The following CCDC97 variants were observed in gnomAD, a reference collection of about 807,000 sequenced individuals.
The protein encoded by CCDC97 is coiled-coil domain-containing protein 97.
CCDC97 carries 27 observed loss-of-function variants against 33.9 expected under a neutral mutation model. The observed-to-expected ratio is 0.80, with a 90% CI of 0.59 to 1.10. The LOEUF (loss-of-function observed/expected upper bound fraction) is 1.10. Ranked by LOEUF, CCDC97 falls within the 50% of genes least tolerant of loss-of-function variation. The pLI is 0.00. For synonymous variants in CCDC97, 217 were observed against 194.0 expected (o/e 1.12, Z -0.99); for missense variants, 422 against 476.6 (o/e 0.89, Z 1.07).
Position 41,310,970 on chromosome 19 carries a change from G to A in CCDC97, c.46+614G>A, listed in dbSNP as rs1034184184. On this transcript the variant is annotated intron_variant, in intron 1 of 4. Transcript: ENST00000269967. ...GCGTGGCTCCAACACCACTGGCCAA[G>A]AATTGGTAATTGTGGAAGCCAGATG... 3.4e-4 allele frequency: 224 copies of A among 657,198 alleles called. 1 individual carries two copies. Among genetic ancestry groups the A allele is most frequent in the Non-Finnish European group, 4.0e-4 (214 of 530,604 alleles). The allele number at this position is 657,198 out of a possible 1,614,324, so 40.7% of individuals were successfully genotyped here.
intron 2 of CCDC97, among the ~76,000 whole-genome samples, chr19:41,319,231 G>A (rs186411470): frequency 5.1e-4 from 77 of 152,354 alleles, no homozygotes; most frequent in Non-Finnish European, 9.3e-4. Context: ...GAAGATAGAG[G>A]CCGGGCCACA....
At position 41,319,845 on chromosome 19, in the gene CCDC97, C is replaced by A; in HGVS notation, c.774C>A (p.Asp258Glu). 1 of 1,490,540 alleles carries A rather than the reference C, an allele frequency of 6.7e-7. No homozygotes were observed. The highest frequency in any genetic ancestry group is 9.2e-7 in the Non-Finnish European group (1 of 1,084,512). 92.3% of individuals were successfully genotyped at this position (1,490,540 alleles called of 1,614,324 possible). A position where few individuals can be genotyped will look rare whatever the true frequency, so the allele number is the denominator to read the frequency against. Residue 258 changes from aspartate (D) to glutamate (E), a missense_variant, in exon 3 of 5, where the codon GAC becomes GAA. Physicochemically the swap from Asp to Glu is conservative, Grantham distance 45. Transcript: ENST00000269967. ...AAGAGGAAGAGGAGGAGGACAGTGA[C>A]GAGGAAGGTGAGGGCCAGTAGCAGG... ...LEEEEEEEDS[D>E]EEDQRSGKDS... is the part of the protein sequence containing the mutation.
chr19:41,313,169 A>G (rs770258447), intron 1 of CCDC97, among the ~76,000 whole-genome samples: 11 of 151,908 alleles, frequency 7.2e-5, no homozygotes, highest in African/African-American at 2.4e-4. Context: ...TCCTCCCCGC[A>G]TCTGTGCAGT....
At position 41,322,870 on chromosome 19, in the gene CCDC97, A is replaced by G; in HGVS notation, c.*155A>G. On this transcript the variant is annotated 3_prime_UTR_variant, in exon 5 of 5. Coordinates refer to ENST00000269967, the MANE Select transcript of CCDC97 (RefSeq NM_052848.3). ...CTCACTGGGTCTAGTCTCATCTCAG[A>G]CAACCCCCACCCCCACTGTTTCTGG... 1 of 733,000 alleles carries G rather than the reference A, an allele frequency of 1.4e-6. No individual in the cohort carries two copies. The highest frequency in any genetic ancestry group is 2.1e-6 in the Non-Finnish European group (1 of 480,518). 45.4% of individuals were successfully genotyped at this position (733,000 alleles called of 1,614,324 possible).
chr19:41,318,122 A>C (rs1180036131), intron 2 of CCDC97, among the ~76,000 whole-genome samples: 2 of 151,942 alleles, frequency 1.3e-5, no homozygotes, highest in Non-Finnish European at 1.5e-5. Context: ...GGTGGGTGAT[A>C]ATCCAAGTTG....
intron 1 of CCDC97, among the ~76,000 whole-genome samples, chr19:41,313,911 G>T (rs546416778): frequency 3.9e-5 from 6 of 152,256 alleles, no homozygotes; most frequent in African/African-American, 1.2e-4. Flanking sequence ...TGTTGGCCAG[G>T]CTGGTCTTGA....
intron 1 of CCDC97, 39 bp from the exon 2 acceptor site, chr19:41,316,345 A>G: frequency 6.5e-7 from 1 of 1,528,500 alleles, no homozygotes; most frequent in Non-Finnish European, 9.0e-7. Context: ...CCCTTCCCAC[A>G]CTCCCATCTC....
In CCDC97 at chr19:41,323,040, C is replaced by T. The variant is rs1418654845; in HGVS notation, c.*325C>T. ...CCAGTGCTCTGGCTGGCTGTCTCTC[C>T]CTTTCTCCCCCTCTCTCTCTGCCTT... On this transcript the variant is annotated 3_prime_UTR_variant, in exon 5 of 5. Transcript: ENST00000269967. 1.0e-5 allele frequency: 2 copies of T among 196,960 alleles called. No individual in the cohort carries two copies. Among genetic ancestry groups the T allele is most frequent in the Non-Finnish European group, 2.1e-5 (2 of 94,010 alleles). 12.2% of individuals were successfully genotyped at this position (196,960 alleles called of 1,614,324 possible). A position where few individuals can be genotyped will look rare whatever the true frequency, so the allele number is the denominator to read the frequency against.
intron 3 of CCDC97, 149 bp from the exon 4 acceptor site, chr19:41,320,192 C>G: frequency 1.0e-6 from 1 of 972,974 alleles, no homozygotes; most frequent in South Asian, 1.5e-5. Context: ...CCCTGGAGGG[C>G]AGGGACCAGG....
intron 1 of CCDC97, chr19:41,310,895 T>C (rs1372026642): frequency 2.0e-6 from 2 of 987,306 alleles, no homozygotes; most frequent in African/African-American, 3.5e-5. Flanking sequence ...ATTTCTGTGC[T>C]TTCCCACAAC....
At chr19:41,313,652 C>T (rs559973158) in intron 1 of CCDC97, among the ~76,000 whole-genome samples, 2 of 152,194 alleles carry the variant, frequency 1.3e-5, no homozygotes, top group Admixed American at 6.5e-5. Flanking sequence ...TCCCTCCACT[C>T]TTGGGAAACA....
chr19:41,319,187 A>G (rs1283039879), intron 2 of CCDC97, among the ~76,000 whole-genome samples: 1 of 152,234 alleles, frequency 6.6e-6, no homozygotes, highest in Non-Finnish European at 1.5e-5. Context: ...CCATGCACAC[A>G]CATGCTTGGA....
Position 41,319,780 on chromosome 19 carries a change from C to T in CCDC97, c.709C>T (p.Leu237=). 6.2e-7 allele frequency: 1 copy of T among 1,612,734 alleles called. No individual in the cohort carries two copies. The highest frequency in any genetic ancestry group is 8.5e-7 in the Non-Finnish European group (1 of 1,179,540). Residue 237 remains leucine (L), a synonymous_variant, in exon 3 of 5, where the codon CTG becomes TTG. Coordinates refer to ENST00000269967, the MANE Select transcript of CCDC97 (RefSeq NM_052848.3). ...SYEERELQQR[L]LQQQEEEEAC... Reference sequence around the variant, plus strand: ...CGAGGAGCGGGAGCTACAGCAGCGTCTGCTCCAACAGCAGGAGGAGGAGGA... The same window carrying T: ...CGAGGAGCGGGAGCTACAGCAGCGTTTGCTCCAACAGCAGGAGGAGGAGGA...
At chr19:41,320,540 C>G in intron 4 of CCDC97, 70 bp downstream of exon 4, 1 of 1,591,566 alleles carries the variant, frequency 6.3e-7, no homozygotes, top group South Asian at 1.1e-5. Flanking sequence ...ATGCAGAGCC[C>G]TTAACAAGCT....
At chr19:41,317,282 A>T (rs892150583) in intron 2 of CCDC97, among the ~76,000 whole-genome samples, 2 of 152,234 alleles carry the variant, frequency 1.3e-5, no homozygotes, top group African/African-American at 4.8e-5. Context: ...ATGAAGGAAA[A>T]AAAAGATAGC....
chr19:41,319,685 A>G lies in CCDC97; in HGVS notation c.614A>G (p.His205Arg), dbSNP rs1050468362. ...GAGCTCAGTGCCCGCACCCCAACCC[A>G]CCAGCCCCCCAAGCCCGGGTCCCCC... Reference protein sequence around the residue: ...QEELSARTPTHQPPKPGSPGR... With the variant: ...QEELSARTPTRQPPKPGSPGR... The change falls in exon 3 of 5, where the codon CAC becomes CGC. Residue 205 changes from histidine (H) to arginine (R), a missense_variant. By Grantham distance (29) the His-to-Arg change is conservative. Transcript: ENST00000269967. The G allele has an allele frequency of 6.2e-7, 1 of 1,613,574 alleles. No homozygotes were observed. The highest frequency in any genetic ancestry group is 8.5e-7 in the Non-Finnish European group (1 of 1,179,796).
chr19:41,320,529 C>T (rs766614127), intron 4 of CCDC97, 59 bp downstream of exon 4: 2 of 1,604,844 alleles, frequency 1.2e-6, no homozygotes, highest in Non-Finnish European at 1.7e-6. Flanking sequence ...CCTTTGGTCA[C>T]ATGCAGAGCC....
In CCDC97 at chr19:41,324,619, T is replaced by A. The variant is rs568962226; in HGVS notation, c.*1904T>A. On this transcript the variant is annotated 3_prime_UTR_variant, in exon 5 of 5. Coordinates refer to ENST00000269967, the MANE Select transcript of CCDC97 (RefSeq NM_052848.3). ...AATCACTGAATTGTCCCAGCAGTGC[T>A]ATGCCCTAGGTACTACCAATATCAC... is the stretch of plus-strand genomic sequence containing the variant. 8 of 152,298 alleles carry A rather than the reference T, an allele frequency of 5.3e-5. No individual in the cohort carries two copies. The highest frequency in any genetic ancestry group is 1.2e-4 in the Non-Finnish European group (8 of 68,070). The allele number at this position is 152,298 out of a possible 1,614,324, so 9.4% of individuals were successfully genotyped here.
intron 2 of CCDC97, among the ~76,000 whole-genome samples, chr19:41,317,816 G>C (rs377369322): frequency 1.3e-5 from 2 of 151,814 alleles, no homozygotes; most frequent in African/African-American, 4.8e-5. Context: ...TTGGGAGGGC[G>C]AGGTGGGGGT....
Sources: allele counts gnomAD v4.1 joint callset (sites outside exome capture counted in the v4.1 genomes callset), GRCh38; gene constraint gnomAD v4.1.1; transcripts MANE v1.5; gene names NCBI Gene and HGNC (gene_info 2026-07-23, HGNC 2026-07-21).